The following NET1 variants were observed in gnomAD, a reference collection of about 807,000 sequenced individuals.
The protein encoded by NET1 is neuroepithelial cell-transforming gene 1 protein.
NET1 carries 42 observed loss-of-function variants against 61.1 expected under a neutral mutation model. That is an observed-to-expected ratio of 0.69 (90% CI 0.54 to 0.89). The LOEUF is 0.89. Among genes scored for constraint, NET1 ranks in the 40% least tolerant of loss-of-function variants. The probability of loss-of-function intolerance (pLI) is 0.00; values close to 1 mark genes in which losing one functional copy is unlikely to be tolerated. For synonymous variants in NET1, 254 were observed against 281.8 expected, an observed-to-expected ratio of 0.90 and a Z score of 0.99; for missense variants, 654 against 747.3, an observed-to-expected ratio of 0.88 and a Z score of 1.46.
chr10:5,420,795 C>T lies in NET1; in HGVS notation c.129-5860C>T, dbSNP rs1832162020. On this transcript the variant is annotated intron_variant, in intron 1 of 11. Coordinates refer to ENST00000355029, the MANE Select transcript of NET1 (RefSeq NM_001047160.3). This position sits in a 1 kb window ranked among gnomAD's most constrained non-coding sequence, Gnocchi z 5.3. ...ATTTTTAGTAGAGACGGGGTTTCAC[C>T]ATGTTGGCCAGGATGGTTTTGATCT... is the stretch of plus-strand genomic sequence containing the variant. 6.6e-6 allele frequency among the ~76,000 whole-genome samples: 1 copy of T among 151,968 alleles called. No homozygotes were observed. The highest frequency in any genetic ancestry group is 2.1e-4 in the South Asian group (1 of 4,800).
chr10:5,433,097 A>G (rs1329227128), intron 3 of NET1, among the ~76,000 whole-genome samples: 1 of 152,148 alleles, frequency 6.6e-6, no homozygotes, highest in Admixed American at 6.5e-5. Context: ...TACATTCACC[A>G]CTTTCCTCCC....
At chr10:5,436,651 G>A (rs1034326109) in intron 3 of NET1, among the ~76,000 whole-genome samples, 2 of 152,082 alleles carry the variant, frequency 1.3e-5, no homozygotes, top group Non-Finnish European at 2.9e-5. Flanking sequence ...AAAGCATTGT[G>A]ATTGTTTATA....
At chr10:5,445,070 C>T (rs1299112461) in intron 3 of NET1, among the ~76,000 whole-genome samples, 1 of 152,188 alleles carries the variant, frequency 6.6e-6, no homozygotes, top group Non-Finnish European at 1.5e-5. Context: ...AGTCATCTTT[C>T]AACCATCTTA....
Position 5,456,369 on chromosome 10 carries a change from C to CACT in NET1, c.1384+97_1384+98insCTA. 1 of 1,228,812 alleles carries CACT rather than the reference C, an allele frequency of 8.1e-7. No individual in the cohort carries two copies. The highest frequency in any genetic ancestry group is 1.6e-5 in the South Asian group (1 of 63,042). 76.1% of individuals were successfully genotyped at this position (1,228,812 alleles called of 1,614,324 possible). ...AAGAATTCTAGAGATGAAATGGCTC[C>CACT]ATTGTCCTATACTTGTTACATCCAT... On this transcript the variant is annotated intron_variant, in intron 11 of 11. Coordinates refer to ENST00000355029, the MANE Select transcript of NET1 (RefSeq NM_001047160.3). The surrounding 1 kb of genome is among the most constrained non-coding windows in gnomAD (Gnocchi z 7.0).
At chr10:5,448,387 C>T (rs1022901726) in intron 3 of NET1, among the ~76,000 whole-genome samples, 2 of 152,122 alleles carry the variant, frequency 1.3e-5, no homozygotes, top group African/African-American at 2.4e-5. Context: ...TTATAGATGT[C>T]GAGAAATTTT....
chr10:5,433,741 C>T (rs1832383356), intron 3 of NET1, among the ~76,000 whole-genome samples: 3 of 151,648 alleles, frequency 2.0e-5, no homozygotes, highest in Admixed American at 6.6e-5. Context: ...TTGAATTATA[C>T]CTTTTGGTAT....
rs76430157 is a variant in NET1 at position 5,448,491 on chromosome 10, G to A, written c.256-3339G>A. 6.5e-3 allele frequency among the ~76,000 whole-genome samples: 985 copies of A among 152,214 alleles called. 36 individuals are homozygous for A. The East Asian group carries it at 0.11, about 16-fold the overall frequency. On this transcript the variant is annotated intron_variant, in intron 3 of 11. Coordinates refer to ENST00000355029, the MANE Select transcript of NET1 (RefSeq NM_001047160.3). ...CCTATAATAATGTATGTGACTGCCTGGCTAACCTAGTCTGATTAAAAATTA... is the reference window on the plus strand; with the variant it reads ...CCTATAATAATGTATGTGACTGCCTAGCTAACCTAGTCTGATTAAAAATTA...
rs1175316821 is a variant in NET1, at chr10:5,439,012, A to C, written c.255+9783A>C. 6.6e-6 allele frequency among the ~76,000 whole-genome samples: 1 copy of C among 152,246 alleles called. No homozygotes were observed. Among genetic ancestry groups the C allele is most frequent in the Admixed American group, 6.5e-5 (1 of 15,292 alleles). The stretch of plus-strand genomic sequence containing the variant: ...TTCAGTAAGCATTAACATGAGAGAC[A>C]AGGCTCCTTCCACTTTGTGGCCATT... On this transcript the variant is annotated intron_variant, in intron 3 of 11. Transcript: ENST00000355029. The surrounding 1 kb of genome is among the most constrained non-coding windows in gnomAD (Gnocchi z 4.8).
chr10:5,441,985 T>C lies in NET1; in HGVS notation c.256-9845T>C, dbSNP rs1290389008. Among the ~76,000 whole-genome samples the C allele has an allele frequency of 2.6e-5, 4 of 152,210 alleles. No homozygotes were observed. Among genetic ancestry groups the C allele is most frequent in the African/African-American group, 9.6e-5 (4 of 41,474 alleles). Reference sequence around the variant, plus strand: ...AATTCTAGAGTTTTAAAATGGAATGTAGTTTTCTTATATTTAGAAAAAGTT... The same window carrying C: ...AATTCTAGAGTTTTAAAATGGAATGCAGTTTTCTTATATTTAGAAAAAGTT... On this transcript the variant is annotated intron_variant, in intron 3 of 11. Coordinates refer to ENST00000355029, the MANE Select transcript of NET1 (RefSeq NM_001047160.3). This position sits in a 1 kb window ranked among gnomAD's most constrained non-coding sequence, Gnocchi z 4.6.
In NET1 at chr10:5,455,980, G is replaced by A. The variant is rs376719229; in HGVS notation, c.1198-107G>A. The stretch of plus-strand genomic sequence containing the variant: ...AGATTTGTCACTTAGAGAGATCTTC[G>A]AAAAATAAATCTGATGAAATTAATA... On this transcript the variant is annotated intron_variant, in intron 10 of 11. Coordinates refer to ENST00000355029, the MANE Select transcript of NET1 (RefSeq NM_001047160.3). The surrounding 1 kb of genome is among the most constrained non-coding windows in gnomAD (Gnocchi z 6.5). 1.4e-4 allele frequency: 162 copies of A among 1,164,020 alleles called. No individual in the cohort carries two copies. The African/African-American group carries it at 2.0e-3, about 14-fold the overall frequency. The allele number at this position is 1,164,020 out of a possible 1,614,324, so 72.1% of individuals were successfully genotyped here. A position where few individuals can be genotyped will look rare whatever the true frequency, so the allele number is the denominator to read the frequency against.
rs368404121 is a variant in NET1 at position 5,452,537 on chromosome 10, C to T, written c.531+12C>T. ...TCAGACGGCAGGAGGTATGCTGGCA[C>T]TCAGTGTACATGTTTTCCCAAAAGA... On this transcript the variant is annotated intron_variant, in intron 5 of 11. Coordinates refer to ENST00000355029, the MANE Select transcript of NET1 (RefSeq NM_001047160.3). This position sits in a 1 kb window ranked among gnomAD's most constrained non-coding sequence, Gnocchi z 4.0. 1.9e-6 allele frequency: 3 copies of T among 1,604,550 alleles called. No homozygotes were observed. Among genetic ancestry groups the T allele is most frequent in the African/African-American group, 2.7e-5 (2 of 74,590 alleles).
rs1323665194 is a variant in NET1, at chr10:5,429,193, T to C, written c.219T>C (p.Asp73=). 3.1e-6 allele frequency: 5 copies of C among 1,610,684 alleles called. No homozygotes were observed. The highest frequency in any genetic ancestry group is 3.4e-6 in the Non-Finnish European group (4 of 1,178,190). Residue 73 remains aspartate (D), a synonymous_variant, in exon 3 of 12, where the codon GAT becomes GAC. Transcript: ENST00000355029. ...FTLKRKRREK[D]DDVVSLSSLD... ...AGAAAAGAAAACGCAGAGAGAAAGA[T>C]GATGATGTTGTAAGCCTTAGCAGCC...
In NET1 at chr10:5,437,080, A is replaced by G. The variant is rs553781147; in HGVS notation, c.255+7851A>G. Among the ~76,000 whole-genome samples, 18 of 152,348 alleles carry G rather than the reference A, an allele frequency of 1.2e-4. No homozygotes were observed. Among genetic ancestry groups the G allele is most frequent in the Middle Eastern group, 3.4e-3 (1 of 294 alleles). ...TAAGCTTAATCATTCCTAGACTGCAATGTATTTAAATACTTATGTCTCCTT... is the reference window on the plus strand; with the variant it reads ...TAAGCTTAATCATTCCTAGACTGCAGTGTATTTAAATACTTATGTCTCCTT... On this transcript the variant is annotated intron_variant, in intron 3 of 11. Transcript: ENST00000355029. The surrounding 1 kb of genome is among the most constrained non-coding windows in gnomAD (Gnocchi z 4.3).
At chr10:5,429,658 G>A (rs1832317376) in intron 3 of NET1, among the ~76,000 whole-genome samples, 1 of 152,150 alleles carries the variant, frequency 6.6e-6, no homozygotes, top group African/African-American at 2.4e-5. Flanking sequence ...ATACATGCAA[G>A]CAAAATAACT....
Position 5,426,545 on chromosome 10 carries a change from G to A in NET1, c.129-110G>A, listed in dbSNP as rs532013645. ...TTACTAAGATTGAATGACAAATCAG[G>A]CCACTTTAAACGGTTTTGAAAGTAT... On this transcript the variant is annotated intron_variant, in intron 1 of 11. Coordinates refer to ENST00000355029, the MANE Select transcript of NET1 (RefSeq NM_001047160.3). This position sits in a 1 kb window ranked among gnomAD's most constrained non-coding sequence, Gnocchi z 4.6. The A allele has an allele frequency of 1.3e-5, 9 of 711,364 alleles. No individual in the cohort carries two copies. Among genetic ancestry groups the A allele is most frequent in the Non-Finnish European group, 2.1e-5 (9 of 426,972 alleles). The allele number at this position is 711,364 out of a possible 1,614,324, so 44.1% of individuals were successfully genotyped here. A position where few individuals can be genotyped will look rare whatever the true frequency, so the allele number is the denominator to read the frequency against.
rs186992121 is a variant in NET1, at chr10:5,444,776, C to T, written c.256-7054C>T. ...GACTCTCCAGTCTAAATCTAGCCTC[C>T]AGCCTCTTTCAGGTTTTTGTCCAAC... On this transcript the variant is annotated intron_variant, in intron 3 of 11. Transcript: ENST00000355029. The surrounding 1 kb of genome is among the most constrained non-coding windows in gnomAD (Gnocchi z 5.3). 6.6e-6 allele frequency among the ~76,000 whole-genome samples: 1 copy of T among 152,310 alleles called. No individual in the cohort carries two copies. The highest frequency in any genetic ancestry group is 1.9e-4 in the East Asian group (1 of 5,190).
rs1424494334 is a variant in NET1 at position 5,420,752 on chromosome 10, C to T, written c.129-5903C>T. Among the ~76,000 whole-genome samples, 9 of 152,050 alleles carry T rather than the reference C, an allele frequency of 5.9e-5. No individual in the cohort carries two copies. The highest frequency in any genetic ancestry group is 2.1e-4 in the South Asian group (1 of 4,818). On this transcript the variant is annotated intron_variant, in intron 1 of 11. Transcript: ENST00000355029. This position sits in a 1 kb window ranked among gnomAD's most constrained non-coding sequence, Gnocchi z 5.3. ...CTGGGATTACAGGCAAGCGCCACCA[C>T]GCCCAGCTAATTTTTGTATTTTTAG...
At chr10:5,436,162 GGTGTGTGTGTGTGTGTGTGTGTGTTGTGT>G (rs1832425570) in intron 3 of NET1, among the ~76,000 whole-genome samples, 1 of 70,066 alleles carries the variant, frequency 1.4e-5, no homozygotes, top group South Asian at 6.2e-4. Flanking sequence ...GTTAAAAGGA[GGTGTGTGTGTGTGTGTGTGTGTGTTGTGT>G]GTGTGTGTGT....
chr10:5,446,092 G>C lies in NET1; in HGVS notation c.256-5738G>C, dbSNP rs562366230. 8.5e-5 allele frequency among the ~76,000 whole-genome samples: 13 copies of C among 152,312 alleles called. No homozygotes were observed. The highest frequency in any genetic ancestry group is 1.3e-4 in the Admixed American group (2 of 15,306). ...ATTTTCTTCTGGAAGAGAGGTAACA[G>C]AAGTGCACCTGCTGTATTTACCCTG... is the stretch of plus-strand genomic sequence containing the variant. On this transcript the variant is annotated intron_variant, in intron 3 of 11. Transcript: ENST00000355029. This position sits in a 1 kb window ranked among gnomAD's most constrained non-coding sequence, Gnocchi z 5.0.
Sources: allele counts gnomAD v4.1 joint callset (sites outside exome capture counted in the v4.1 genomes callset), GRCh38; gene constraint gnomAD v4.1.1; non-coding constraint Gnocchi (gnomAD v3.1); transcripts MANE v1.5; gene names NCBI Gene and HGNC (gene_info 2026-07-23, HGNC 2026-07-21).